The following FLACC1 variants were observed in gnomAD, a reference collection of about 807,000 sequenced individuals.
FLACC1 encodes the protein flagellum-associated coiled-coil domain-containing protein 1.
FLACC1 carries 66 observed loss-of-function variants against 62.8 expected under a neutral mutation model. The observed-to-expected ratio is 1.05, with a 90% CI of 0.86 to 1.29. The LOEUF (loss-of-function observed/expected upper bound fraction) is 1.29. Ranked by LOEUF, FLACC1 falls within the 50% of genes most tolerant of loss-of-function variation. FLACC1 has a pLI of 0.00. For synonymous variants in FLACC1, 156 were observed against 161.0 expected (o/e 0.97, Z 0.24); for missense variants, 452 against 489.1 (o/e 0.92, Z 0.71).
chr2:201,332,530 G>A (rs566480150), intron 7 of FLACC1, among the ~76,000 whole-genome samples: 58 of 152,300 alleles, frequency 3.8e-4, no homozygotes, highest in African/African-American at 1.3e-3. Context: ...TTACAGGCGT[G>A]AGCCACTGCG....
At chr2:201,302,501 T>A (rs1230888110) in intron 11 of FLACC1, among the ~76,000 whole-genome samples, 1 of 152,186 alleles carries the variant, frequency 6.6e-6, no homozygotes, top group Non-Finnish European at 1.5e-5. Flanking sequence ...AATACCCCAC[T>A]GTCAACATTA....
intron 7 of FLACC1, 136 bp from the exon 8 acceptor site, chr2:201,330,969 ATC>A: frequency 1.7e-6 from 1 of 584,332 alleles, no homozygotes; most frequent in Non-Finnish European, 2.7e-6. Flanking sequence ...AAATTTTTAA[ATC>A]TTTTTTTTTT....
chr2:201,354,872 A>G (rs934614419), intron 1 of FLACC1, among the ~76,000 whole-genome samples: 1 of 152,186 alleles, frequency 6.6e-6, no homozygotes, highest in African/African-American at 2.4e-5. Flanking sequence ...CTGTGCCTCA[A>G]CACCTCCACT....
At chr2:201,309,864 G>T (rs556276822) in intron 9 of FLACC1, among the ~76,000 whole-genome samples, 1 of 124,112 alleles carries the variant, frequency 8.1e-6, no homozygotes, top group East Asian at 2.5e-4. Flanking sequence ...CCGAGATCAC[G>T]CCACTGCACT....
At chr2:201,327,950 T>C (rs1950526174) in intron 9 of FLACC1, among the ~76,000 whole-genome samples, 3 of 152,150 alleles carry the variant, frequency 2.0e-5, no homozygotes, top group Middle Eastern at 3.2e-3. Context: ...AAATGTGGCA[T>C]ATATACACCA....
chr2:201,310,422 T>G (rs192981311), intron 9 of FLACC1, among the ~76,000 whole-genome samples: 2 of 152,172 alleles, frequency 1.3e-5, no homozygotes, highest in African/African-American at 2.4e-5. Flanking sequence ...CTCTGGACTC[T>G]CAGTGCTAAA....
At chr2:201,291,470 CTGTT>C (rs1412636859) in intron 12 of FLACC1, among the ~76,000 whole-genome samples, 1 of 152,226 alleles carries the variant, frequency 6.6e-6, no homozygotes, top group African/African-American at 2.4e-5. Context: ...AGGGTCCTGA[CTGTT>C]AGAAGGAAAA....
At chr2:201,333,649 G>A (rs961633667) in intron 7 of FLACC1, among the ~76,000 whole-genome samples, 1 of 146,820 alleles carries the variant, frequency 6.8e-6, no homozygotes, top group African/African-American at 2.5e-5. Flanking sequence ...GTGAGAACAT[G>A]CAGTGTTTGG....
At position 201,348,196 on chromosome 2, in the gene FLACC1, G is replaced by T. The variant is rs902486368; in HGVS notation, c.234+58C>A. The T allele has an allele frequency of 4.6e-6, 7 of 1,536,810 alleles. No homozygotes were observed. In the African/African-American group the frequency reaches 9.7e-5, roughly 21 times the overall value. On this transcript the variant is annotated intron_variant, in intron 4 of 14. Transcript: ENST00000392257. ...ATAAAAATGTAAAGGGCCCATGCTT[G>T]CACATAGTAGGCACTCAATAAATTT...
rs777605174 is a variant in FLACC1 at position 201,289,445 on chromosome 2, C to T, written c.1142+12G>A. 6.2e-6 allele frequency: 10 copies of T among 1,612,024 alleles called. No individual in the cohort carries two copies. The East Asian group carries it at 2.2e-4, about 36-fold the overall frequency. On this transcript the variant is annotated intron_variant, in intron 14 of 14. Transcript: ENST00000392257. ...GAGAACTCAGCTATGTCTTTTTCAG[C>T]AGCAGCCGCACTTCAGATGAATGTT...
intron 12 of FLACC1, among the ~76,000 whole-genome samples, chr2:201,291,276 C>G (rs186422313): frequency 6.6e-6 from 1 of 152,210 alleles, no homozygotes; most frequent in African/African-American, 2.4e-5. Flanking sequence ...AGGCACCCCC[C>G]AGTAGGGGCA....
In FLACC1 at chr2:201,303,429, C is replaced by T. The variant is rs1950031794; in HGVS notation, c.879+4090G>A. On this transcript the variant is annotated intron_variant, in intron 11 of 14. Transcript: ENST00000392257. Reference sequence around the variant, plus strand: ...CCAATAACAGGCTCTGAAATTGAGGCAATAATTAAAAGCCTACCAACCAAA... The same window carrying T: ...CCAATAACAGGCTCTGAAATTGAGGTAATAATTAAAAGCCTACCAACCAAA... Among the ~76,000 whole-genome samples, 3 of 152,084 alleles carry T rather than the reference C, an allele frequency of 2.0e-5. No homozygotes were observed. The South Asian group carries it at 6.2e-4, about 32-fold the overall frequency.
chr2:201,360,282 A>G (rs2125632796), upstream of FLACC1, among the ~76,000 whole-genome samples: 1 of 152,368 alleles, frequency 6.6e-6, no homozygotes, highest in Non-Finnish European at 1.5e-5. Context: ...GAGGCCACCA[A>G]TAGTAAAACA....
chr2:201,291,940 A>G (rs1194846104), intron 12 of FLACC1, among the ~76,000 whole-genome samples: 1 of 152,254 alleles, frequency 6.6e-6, no homozygotes, highest in Non-Finnish European at 1.5e-5. Context: ...TGGAAGATCA[A>G]ATGAATGAAA....
At position 201,307,575 on chromosome 2, in the gene FLACC1, T is replaced by C; in HGVS notation, c.823A>G (p.Lys275Glu). ...KFEMESGEED[K>E]KINESCSAVF... Reference sequence around the variant, plus strand: ...GCACTGCAGGATTCATTTATTTTCTTATCTTCTTCTCCTGACTCCATTTCG... The same window carrying C: ...GCACTGCAGGATTCATTTATTTTCTCATCTTCTTCTCCTGACTCCATTTCG... The change falls in exon 11 of 15, where the codon AAG becomes GAG. Residue 275 changes from lysine (K) to glutamate (E), a missense_variant. Physicochemically the swap from Lys to Glu is moderately conservative, Grantham distance 56. Coordinates refer to ENST00000392257, the MANE Select transcript of FLACC1 (RefSeq NM_001127391.3). 1 of 1,614,244 alleles carries C rather than the reference T, an allele frequency of 6.2e-7. No homozygotes were observed. Among genetic ancestry groups the C allele is most frequent in the Non-Finnish European group, 8.5e-7 (1 of 1,180,032 alleles).
At chr2:201,323,784 C>CAAAAAAAAAAAAAAAAAAA (rs71022362) in intron 9 of FLACC1, among the ~76,000 whole-genome samples, 10 of 52,760 alleles carry the variant, frequency 1.9e-4, no homozygotes, top group East Asian at 5.7e-4. Flanking sequence ...CAGACTCTAT[C>CAAAAAAAAAAAAAAAAAAA]AAAAAAAAAA....
chr2:201,296,283 C>A, intron 12 of FLACC1, among the ~76,000 whole-genome samples: 1 of 151,914 alleles, frequency 6.6e-6, no homozygotes, highest in Non-Finnish European at 1.5e-5. Context: ...CAATGATAGA[C>A]TGGATTAAGA....
intron 7 of FLACC1, among the ~76,000 whole-genome samples, chr2:201,341,409 AT>A (rs1450395306): frequency 6.7e-5 from 10 of 149,236 alleles, no homozygotes; most frequent in East Asian, 5.8e-4. Flanking sequence ...ATATATATAT[AT>A]AAATCATATA....
intron 10 of FLACC1, among the ~76,000 whole-genome samples, 180 bp from the exon 11 acceptor site, chr2:201,307,802 T>A (rs905513533): frequency 6.6e-6 from 1 of 152,240 alleles, no homozygotes; most frequent in Non-Finnish European, 1.5e-5. Context: ...GTGAGCACGG[T>A]GGTTGTCCTC....
Sources: gnomAD v4.1 joint callset for allele counts (sites outside exome capture counted in the v4.1 genomes callset) on GRCh38, gnomAD v4.1.1 for gene constraint, MANE v1.5 for transcripts, NCBI Gene and HGNC (gene_info 2026-07-23, HGNC 2026-07-21) for gene names.